Variants in RREB1 observed in about 807,000 individuals in gnomAD.
RREB1 encodes ras-responsive element-binding protein 1.
In RREB1, 27 loss-of-function variants were observed where a neutral mutation model predicts 117.8. The ratio of observed to expected loss-of-function variants is 0.23; its 90% CI spans 0.17 to 0.32. RREB1 has a LOEUF of 0.32. Among genes scored for constraint, RREB1 ranks in the 10% least tolerant of loss-of-function variants. RREB1 has a pLI of 1.00. For missense variants in RREB1, 2,577 were observed against 2,378.2 expected, an observed-to-expected ratio of 1.08 and a Z score of -1.74; for synonymous variants, 1,298 against 1,026.7, an observed-to-expected ratio of 1.26 and a Z score of -5.05.
At position 7,246,562 on chromosome 6, in the gene RREB1, CGGAAACGGCCTCGCCGGTGCACCG is replaced by C; in HGVS notation, c.4117_4140del (p.Thr1373_Glu1380del). On this transcript the variant is annotated inframe_deletion, in exon 12 of 13. Transcript: ENST00000379938. ...GATGCGCCTGTGGAGCAGGCCACGG[CGGAAACGGCCTCGCCGGTGCACCG>C]GGAAGAGCACGGGCGTGGGGAGAGC... 1 of 1,548,914 alleles carries C rather than the reference CGGAAACGGCCTCGCCGGTGCACCG, an allele frequency of 6.5e-7. No homozygotes were observed. Among genetic ancestry groups the C allele is most frequent in the Non-Finnish European group, 8.7e-7 (1 of 1,146,888 alleles).
At chr6:7,117,402 T>G (rs925506246) in intron 1 of RREB1, among the ~76,000 whole-genome samples, 16 of 31,452 alleles carry the variant, frequency 5.1e-4, no homozygotes, top group East Asian at 1.0e-3. Context: ...TTTTTTTTTT[T>G]TTTTTTTTTT....
intron 1 of RREB1, among the ~76,000 whole-genome samples, chr6:7,158,218 C>T (rs1027989192): frequency 6.6e-6 from 1 of 152,048 alleles, no homozygotes; most frequent in Non-Finnish European, 1.5e-5. Flanking sequence ...GTGGCCAGAG[C>T]GACTCTCTTC....
rs772683393 is a variant in RREB1 at position 7,187,557 on chromosome 6, T to TTTATA, written c.261+38_261+39insATTAT. On this transcript the variant is annotated intron_variant, in intron 5 of 12. Coordinates refer to ENST00000379938, the MANE Select transcript of RREB1 (RefSeq NM_001003699.4). ...CCACTGTTCTTTTATTTTATTTTAT[T>TTTATA]TTATTTTATTTTATTTTATTTTATT... 9.0e-5 allele frequency: 68 copies of TTTATA among 755,232 alleles called. No individual in the cohort carries two copies. In the African/African-American group the frequency reaches 1.0e-3, roughly 12 times the overall value. 46.8% of individuals were successfully genotyped at this position (755,232 alleles called of 1,614,324 possible). A position where few individuals can be genotyped will look rare whatever the true frequency, so the allele number is the denominator to read the frequency against.
In RREB1 at chr6:7,231,525, C is replaced by T. The variant is rs776847931; in HGVS notation, c.3426C>T (p.Thr1142=). The change falls in exon 10 of 13, where the codon ACC becomes ACT. Residue 1142 remains threonine, a synonymous_variant. Coordinates refer to ENST00000379938, the MANE Select transcript of RREB1 (RefSeq NM_001003699.4). ...GCAGCCCAGAGGCTGCCTCTCCCACCGAGCAGGGCCCAGCGGGCACGTCGA... is the reference window on the plus strand; with the variant it reads ...GCAGCCCAGAGGCTGCCTCTCCCACTGAGCAGGGCCCAGCGGGCACGTCGA... The part of the protein sequence containing the change: ...PASSPEAASP[T]EQGPAGTSKK... The T allele has an allele frequency of 8.7e-6, 14 of 1,608,324 alleles. No homozygotes were observed. Among genetic ancestry groups the T allele is most frequent in the Admixed American group, 6.8e-5 (4 of 59,172 alleles).
chr6:7,142,802 C>G (rs943258852), intron 1 of RREB1, among the ~76,000 whole-genome samples: 1 of 152,220 alleles, frequency 6.6e-6, no homozygotes, highest in Admixed American at 6.5e-5. Context: ...TTGAGACTTA[C>G]CTCACTTTTG....
At chr6:7,200,230 A>ATGTGTGTG (rs1765880576) in intron 6 of RREB1, among the ~76,000 whole-genome samples, 1 of 142,708 alleles carries the variant, frequency 7.0e-6, no homozygotes, top group African/African-American at 2.6e-5. Flanking sequence ...ATATATATAT[A>ATGTGTGTG]TGTATGTGTG....
intron 1 of RREB1, among the ~76,000 whole-genome samples, chr6:7,110,670 GAGA>G (rs1385996939): frequency 3.9e-5 from 6 of 152,322 alleles, no homozygotes; most frequent in African/African-American, 1.4e-4. Flanking sequence ...AAGAAAAGGA[GAGA>G]AGAACTCTTT....
rs1486124550 is a variant in RREB1 at position 7,251,818 on chromosome 6, CA to C, written c.*2854del. On this transcript the variant is annotated 3_prime_UTR_variant, in exon 13 of 13. Coordinates refer to ENST00000379938, the MANE Select transcript of RREB1 (RefSeq NM_001003699.4). ...AAAAACTGCTGCTACATGTTATGTA[CA>C]AAACTGGTTTATGCCACATGAACAG... The C allele has an allele frequency of 1.3e-5, 2 of 152,184 alleles. No homozygotes were observed. Among genetic ancestry groups the C allele is most frequent in the African/African-American group, 4.8e-5 (2 of 41,450 alleles). The allele number at this position is 152,184 out of a possible 1,614,324, so 9.4% of individuals were successfully genotyped here.
At chr6:7,141,295 C>T (rs952699606) in intron 1 of RREB1, among the ~76,000 whole-genome samples, 2 of 152,210 alleles carry the variant, frequency 1.3e-5, no homozygotes, top group African/African-American at 4.8e-5. Context: ...AGAGCCGCGT[C>T]TTCCAGCGGA....
intron 1 of RREB1, among the ~76,000 whole-genome samples, chr6:7,133,886 A>G (rs2113362421): frequency 6.6e-6 from 1 of 152,314 alleles, no homozygotes; most frequent in East Asian, 1.9e-4. Context: ...ATATTACAAA[A>G]ATGGGATTTA....
intron 1 of RREB1, among the ~76,000 whole-genome samples, chr6:7,163,725 C>A (rs1053195209): frequency 1.3e-5 from 2 of 152,276 alleles, no homozygotes; most frequent in African/African-American, 4.8e-5. Flanking sequence ...GCTGGCAGAG[C>A]ATGAAATTGA....
chr6:7,145,179 G>A (rs1762803651), intron 1 of RREB1, among the ~76,000 whole-genome samples: 1 of 152,202 alleles, frequency 6.6e-6, no homozygotes, highest in Non-Finnish European at 1.5e-5. Context: ...GTGTGTTAGT[G>A]CTTCCAAGAG....
At chr6:7,160,421 CTT>C (rs1763595408) in intron 1 of RREB1, among the ~76,000 whole-genome samples, 1 of 152,168 alleles carries the variant, frequency 6.6e-6, no homozygotes, top group South Asian at 2.1e-4. Flanking sequence ...CTTTTCTAGA[CTT>C]TATCCATAAG....
chr6:7,217,685 T>C (rs971109874), intron 8 of RREB1: 2 of 152,200 alleles, frequency 1.3e-5, no homozygotes, highest in Admixed American at 1.3e-4. Flanking sequence ...TAATCCACAA[T>C]CCTCAGAGTG....
chr6:7,155,828 C>G (rs1418162663), intron 1 of RREB1, among the ~76,000 whole-genome samples: 1 of 152,080 alleles, frequency 6.6e-6, no homozygotes, highest in Non-Finnish European at 1.5e-5. Flanking sequence ...CCAGGTGGGT[C>G]TATTATTTGT....
chr6:7,124,888 G>T (rs754085165), intron 1 of RREB1, among the ~76,000 whole-genome samples: 12 of 152,336 alleles, frequency 7.9e-5, no homozygotes, highest in Non-Finnish European at 1.6e-4. Context: ...AAACTGTGAA[G>T]TGTGACTCTG....
At chr6:7,223,257 TAAAAAAAAAAA>T (rs59558597) in intron 8 of RREB1, among the ~76,000 whole-genome samples, 2 of 97,290 alleles carry the variant, frequency 2.1e-5, no homozygotes, top group African/African-American at 4.0e-5. Context: ...ACTCTCTTTT[TAAAAAAAAAAA>T]AAAAAAAAAA....
intron 1 of RREB1, among the ~76,000 whole-genome samples, chr6:7,168,181 G>A (rs946709149): frequency 3.3e-5 from 5 of 150,530 alleles, no homozygotes; most frequent in Admixed American, 6.6e-5. Context: ...CTTGAACCCA[G>A]GAGGCAGAGG....
In RREB1 at chr6:7,231,474, G is replaced by A; in HGVS notation, c.3375G>A (p.Glu1125=). The change falls in exon 10 of 13, where the codon GAG becomes GAA. Residue 1125 remains glutamate, a synonymous_variant. Transcript: ENST00000379938. The part of the protein sequence containing the change: ...ATPAATTSPK[E]SSEPPAPASS... ...CCGCTGCCACCACCAGCCCAAAAGA[G>A]TCTAGTGAGCCTCCCGCTCCAGCCA... The A allele has an allele frequency of 6.2e-7, 1 of 1,612,752 alleles. No homozygotes were observed. The highest frequency in any genetic ancestry group is 8.5e-7 in the Non-Finnish European group (1 of 1,179,606).
Sources: gnomAD v4.1 joint callset for allele counts (sites outside exome capture counted in the v4.1 genomes callset) on GRCh38, gnomAD v4.1.1 for gene constraint, MANE v1.5 for transcripts, NCBI Gene and HGNC (gene_info 2026-07-23, HGNC 2026-07-21) for gene names.